The following MAP4K4 variants were observed in gnomAD, a reference collection of about 807,000 sequenced individuals.
MAP4K4 encodes mitogen-activated protein kinase kinase kinase kinase 4, also known as HPK/GCK-like kinase HGK.
A neutral mutation model predicts 189.6 loss-of-function variants in MAP4K4; 38 were observed. The observed-to-expected ratio is 0.20, with a 90% confidence interval of 0.15 to 0.26. MAP4K4 has a LOEUF of 0.26. Ranked by LOEUF, MAP4K4 falls within the 10% of genes least tolerant of loss-of-function variation. MAP4K4 has a pLI of 1.00. For missense variants in MAP4K4, 1,054 were observed against 1,726.9 expected, an observed-to-expected ratio of 0.61 and a Z score of 6.91; for synonymous variants, 610 against 624.3, an observed-to-expected ratio of 0.98 and a Z score of 0.34.
chr2:101,796,873 G>T (rs2093752813), intron 3 of MAP4K4, among the ~76,000 whole-genome samples: 1 of 152,160 alleles, frequency 6.6e-6, no homozygotes, highest in Non-Finnish European at 1.5e-5. Context: ...CTGTGTAAAA[G>T]CCCTTCCTAG....
rs6713594 is a variant in MAP4K4 at position 101,866,715 on chromosome 2, A to T, written c.2356+136A>T. ...TGTTTTAGCATAGGTTGCTAGTGAC[A>T]ATAATAGTCATCCTGATTTTAATCA... On this transcript the variant is annotated intron_variant, in intron 19 of 32. Coordinates refer to ENST00000324219, the Ensembl canonical transcript of MAP4K4. The T allele has an allele frequency of 8.2e-3, 8,984 of 1,093,818 alleles. 479 individuals are homozygous for T. In the African/African-American group the frequency reaches 0.11, roughly 14 times the overall value. 67.8% of individuals were successfully genotyped at this position (1,093,818 alleles called of 1,614,324 possible).
chr2:101,873,575 T>C (rs2098116980), intron 24 of MAP4K4, 72 bp from the exon 25 acceptor site: 2 of 811,118 alleles, frequency 2.5e-6, no homozygotes, highest in Non-Finnish European at 4.1e-6. Flanking sequence ...TAGAAGTGAA[T>C]TGAAATGTGT....
chr2:101,734,280 C>G, intron 2 of MAP4K4, among the ~76,000 whole-genome samples: 1 of 152,032 alleles, frequency 6.6e-6, no homozygotes, highest in Non-Finnish European at 1.5e-5. Flanking sequence ...AAAATGTGCA[C>G]CTCCCCTCAT....
chr2:101,888,733 G>A (rs1577502607), intron 31 of MAP4K4, 63 bp from the exon 32 acceptor site: 3 of 1,240,040 alleles, frequency 2.4e-6, no homozygotes, highest in Middle Eastern at 2.0e-4. Flanking sequence ...TATTAAGTAA[G>A]CAACATCTTT....
At chr2:101,893,915 T>C (rs1577601970) in exon 33 of MAP4K4, 2 of 152,348 alleles carry the variant, frequency 1.3e-5, no homozygotes, top group Non-Finnish European at 2.9e-5. Flanking sequence ...GTTACTGAAA[T>C]TGGAACACCC....
intron 2 of MAP4K4, among the ~76,000 whole-genome samples, chr2:101,787,401 C>A (rs2091680541): frequency 6.6e-6 from 1 of 152,190 alleles, no homozygotes; most frequent in South Asian, 2.1e-4. Context: ...TAGTTACGTG[C>A]ATTTTCATTT....
chr2:101,698,086 G>T (rs761629865), exon 1 of MAP4K4: 4 of 1,324,538 alleles, frequency 3.0e-6, no homozygotes, highest in Middle Eastern at 2.1e-4. Flanking sequence ...GGAAAATGGC[G>T]AACGACTCCC....
At chr2:101,865,315 G>C (rs1472190237) in intron 18 of MAP4K4, among the ~76,000 whole-genome samples, 1 of 152,202 alleles carries the variant, frequency 6.6e-6, no homozygotes, top group Non-Finnish European at 1.5e-5. Context: ...GGAAGGGGGA[G>C]AAGTTCTAAG....
chr2:101,796,627 A>C (rs2093724469), intron 3 of MAP4K4, among the ~76,000 whole-genome samples: 1 of 152,196 alleles, frequency 6.6e-6, no homozygotes, highest in Non-Finnish European at 1.5e-5. Flanking sequence ...ATGGATCTTG[A>C]CCACACTTCT....
At chr2:101,782,755 T>C (rs1172007126) in intron 2 of MAP4K4, among the ~76,000 whole-genome samples, 2 of 152,214 alleles carry the variant, frequency 1.3e-5, no homozygotes, top group Non-Finnish European at 2.9e-5. Context: ...TGAAGTATTC[T>C]GAGCTGTCTC....
intron 3 of MAP4K4, among the ~76,000 whole-genome samples, chr2:101,819,646 A>G (rs1212849703): frequency 6.6e-6 from 1 of 152,222 alleles, no homozygotes; most frequent in African/African-American, 2.4e-5. Flanking sequence ...GTATGCTTCC[A>G]GGATTTGACT....
chr2:101,859,574 A>G (rs1025079213), intron 14 of MAP4K4, 69 bp from the exon 15 acceptor site: 21 of 1,229,538 alleles, frequency 1.7e-5, no homozygotes, highest in Non-Finnish European at 2.4e-5. Flanking sequence ...TTAAAAGCCG[A>G]ACAAATCCAG....
chr2:101,878,770 T>C (rs1356346520), intron 27 of MAP4K4, among the ~76,000 whole-genome samples: 4 of 152,216 alleles, frequency 2.6e-5, no homozygotes, highest in East Asian at 1.9e-4. Context: ...TAATCACTTA[T>C]GATACCACCA....
At chr2:101,722,151 A>G (rs776800402) in intron 2 of MAP4K4, among the ~76,000 whole-genome samples, 8 of 152,222 alleles carry the variant, frequency 5.3e-5, no homozygotes, top group Non-Finnish European at 1.0e-4. Context: ...GTCTCACTAT[A>G]AAGCAGAGAG....
rs71378177 is a variant in MAP4K4 at position 101,811,370 on chromosome 2, C to CAAAAAAAAAAA, written c.181-12547_181-12537dup. 1.6e-3 allele frequency among the ~76,000 whole-genome samples: 108 copies of CAAAAAAAAAAA among 68,822 alleles called. 4 individuals carry two copies. Among genetic ancestry groups the CAAAAAAAAAAA allele is most frequent in the African/African-American group, 4.3e-3 (76 of 17,508 alleles). The allele number at this position is 68,822 out of a possible 152,430, so 45.1% of individuals were successfully genotyped here. On this transcript the variant is annotated intron_variant, in intron 3 of 32. Coordinates refer to ENST00000324219, the Ensembl canonical transcript of MAP4K4. The stretch of plus-strand genomic sequence containing the variant: ...ATGGCGACAGAGTGAGACTGCGTCT[C>CAAAAAAAAAAA]AAAAAAAAAAAAAAAAAAAAAGAAT...
intron 17 of MAP4K4, among the ~76,000 whole-genome samples, chr2:101,864,499 C>A (rs1441446073): frequency 6.6e-6 from 1 of 152,002 alleles, no homozygotes; most frequent in East Asian, 1.9e-4. Context: ...CAAAGGAGCC[C>A]ATGTCAATTT....
chr2:101,738,913 A>G (rs2061531512), intron 2 of MAP4K4, among the ~76,000 whole-genome samples: 1 of 152,092 alleles, frequency 6.6e-6, no homozygotes, highest in African/African-American at 2.4e-5. Flanking sequence ...CTATTTCATG[A>G]GGTGGTTGTG....
At chr2:101,716,268 G>A (rs6543090) in intron 2 of MAP4K4, among the ~76,000 whole-genome samples, 1 of 151,876 alleles carries the variant, frequency 6.6e-6, no homozygotes, top group African/African-American at 2.4e-5. Flanking sequence ...ACGGTGAAAC[G>A]CCGTCTCTAC....
rs73943769 is a variant in MAP4K4, at chr2:101,780,453, T to C, written c.124-10267T>C. ...CATGGGAGAAATGTGGAGAAACTTA[T>C]TGGGATTGAGGAAGGGGACCCCACA... is the stretch of plus-strand genomic sequence containing the variant. On this transcript the variant is annotated intron_variant, in intron 2 of 32. Transcript: ENST00000324219. Among the ~76,000 whole-genome samples the C allele has an allele frequency of 9.7e-3, 1,482 of 152,338 alleles. 26 individuals are homozygous for C. The highest frequency in any genetic ancestry group is 0.034 in the African/African-American group (1,397 of 41,554).
Sources: gnomAD v4.1 joint callset for allele counts (sites outside exome capture counted in the v4.1 genomes callset) on GRCh38, gnomAD v4.1.1 for gene constraint, MANE v1.5 for transcripts, NCBI Gene and HGNC (gene_info 2026-07-23, HGNC 2026-07-21) for gene names.